Variants in TACR3 observed in about 807,000 individuals in gnomAD.
The protein encoded by TACR3 is neuromedin-K receptor.
In TACR3, 34 loss-of-function variants were observed where a neutral mutation model predicts 35.0. The observed-to-expected ratio is 0.97, with a 90% CI of 0.74 to 1.30. The LOEUF (loss-of-function observed/expected upper bound fraction) is 1.30, where lower values mean the gene tolerates loss of function less well. Among genes scored for constraint, TACR3 ranks in the 50% most tolerant of loss-of-function variants. The pLI, the probability that TACR3 is intolerant of heterozygous loss-of-function variation, is 0.00. For missense variants in TACR3, 558 were observed against 591.7 expected (o/e 0.94, Z 0.59); for synonymous variants, 233 against 221.1 (o/e 1.05, Z -0.48).
At chr4:103,708,628 C>T (rs745497813) in intron 1 of TACR3, among the ~76,000 whole-genome samples, 8 of 152,232 alleles carry the variant, frequency 5.3e-5, no homozygotes, top group African/African-American at 7.2e-5. Context: ...AGCAGCTCCT[C>T]GCTAGCAATG....
At position 103,587,856 on chromosome 4, in the gene TACR3, G is replaced by C. The variant is rs1325102854; in HGVS notation, c.*1826C>G. On this transcript the variant is annotated 3_prime_UTR_variant, in exon 5 of 5. Transcript: ENST00000304883. ...TTGCTTATTTAAAACATGCACACAAGCTTCACAGACTTTATTGAGCATATG... is the reference window on the plus strand; with the variant it reads ...TTGCTTATTTAAAACATGCACACAACCTTCACAGACTTTATTGAGCATATG... 1 of 152,010 alleles carries C rather than the reference G, an allele frequency of 6.6e-6. No homozygotes were observed. Among genetic ancestry groups the C allele is most frequent in the South Asian group, 2.1e-4 (1 of 4,832 alleles). 9.4% of individuals were successfully genotyped at this position (152,010 alleles called of 1,614,324 possible). A position where few individuals can be genotyped will look rare whatever the true frequency, so the allele number is the denominator to read the frequency against.
intron 3 of TACR3, among the ~76,000 whole-genome samples, chr4:103,642,212 TTATATA>T (rs1411172248): frequency 1.3e-5 from 2 of 150,172 alleles, no homozygotes; most frequent in Non-Finnish European, 3.0e-5. Context: ...ATATACATAT[TTATATA>T]TATATATAAT....
intron 3 of TACR3, among the ~76,000 whole-genome samples, chr4:103,654,752 G>A (rs1725697579): frequency 6.6e-6 from 1 of 151,430 alleles, no homozygotes; most frequent in Non-Finnish European, 1.5e-5. Flanking sequence ...AGGTACTATA[G>A]AGAAATTATT....
At chr4:103,639,547 A>T (rs551372469) in intron 3 of TACR3, among the ~76,000 whole-genome samples, 25 of 152,172 alleles carry the variant, frequency 1.6e-4, no homozygotes, top group African/African-American at 6.0e-4. Context: ...CATATGTAAC[A>T]AACCTGCACG....
intron 3 of TACR3, among the ~76,000 whole-genome samples, chr4:103,605,744 G>T (rs1303105965): frequency 1.3e-5 from 2 of 151,434 alleles, no homozygotes; most frequent in Non-Finnish European, 3.0e-5. Context: ...AGATGAGTAG[G>T]TTGTGAAAAT....
At chr4:103,608,279 C>T (rs12643080) in intron 3 of TACR3, among the ~76,000 whole-genome samples, 8,034 of 152,084 alleles carry the variant, frequency 0.053, 426 homozygotes, top group East Asian at 0.25. Context: ...AGCTGGAGGC[C>T]ATAATCCTCA....
intron 3 of TACR3, among the ~76,000 whole-genome samples, chr4:103,650,763 G>C (rs532351631): frequency 1.0e-4 from 8 of 76,550 alleles, no homozygotes; most frequent in African/African-American, 3.3e-4. Context: ...TATTATATAT[G>C]ATGTATATAA....
chr4:103,623,884 T>A (rs1467507996), intron 3 of TACR3, among the ~76,000 whole-genome samples: 1 of 152,130 alleles, frequency 6.6e-6, no homozygotes. Context: ...AGACCTGGCT[T>A]ATATTCTGAA....
chr4:103,719,457 G>A lies in TACR3; in HGVS notation c.219C>T (p.Asn73=), dbSNP rs778217308. 4 of 1,614,108 alleles carry A rather than the reference G, an allele frequency of 2.5e-6. No homozygotes were observed. In the African/African-American group the frequency reaches 4.0e-5, roughly 16 times the overall value. Residue 73 remains asparagine, a synonymous_variant, in exon 1 of 5, where the codon AAC becomes AAT. Coordinates refer to ENST00000304883, the MANE Select transcript of TACR3 (RefSeq NM_001059.3). The part of the protein sequence containing the change: ...ASPAPSQPWA[N]LTNQFVQPSW... ...ACGGCTGCACGAACTGGTTGGTGAGGTTGGCCCAGGGCTGGGAGGGCGCGG... is the reference window on the plus strand; with the variant it reads ...ACGGCTGCACGAACTGGTTGGTGAGATTGGCCCAGGGCTGGGAGGGCGCGG...
At chr4:103,627,916 G>A (rs1430864617) in intron 3 of TACR3, among the ~76,000 whole-genome samples, 1 of 152,084 alleles carries the variant, frequency 6.6e-6, no homozygotes, top group Admixed American at 6.6e-5. Context: ...CTCAGCAAAC[G>A]TAAAAGAACA....
Position 103,598,725 on chromosome 4 carries a change from T to G in TACR3, c.889-7042A>C, listed in dbSNP as rs1385842675. On this transcript the variant is annotated intron_variant, in intron 3 of 4. Transcript: ENST00000304883. ...TTAAATAGGGAATCCTTTCCCCATTTCTTGTTTTTGTCAGGTTTGTCAAAG... is the reference window on the plus strand; with the variant it reads ...TTAAATAGGGAATCCTTTCCCCATTGCTTGTTTTTGTCAGGTTTGTCAAAG... Among the ~76,000 whole-genome samples the G allele has an allele frequency of 3.3e-4, 51 of 152,272 alleles. No individual in the cohort carries two copies. In the South Asian group the frequency reaches 9.7e-3, roughly 29 times the overall value.
intron 1 of TACR3, among the ~76,000 whole-genome samples, chr4:103,710,264 A>T (rs1254852752): frequency 1.3e-5 from 2 of 152,106 alleles, no homozygotes; most frequent in East Asian, 3.9e-4. Context: ...GAAGTAAAGC[A>T]CTCCTCAGCA....
At chr4:103,686,893 T>C (rs200300916) in intron 1 of TACR3, among the ~76,000 whole-genome samples, 1 of 152,186 alleles carries the variant, frequency 6.6e-6, no homozygotes, top group Non-Finnish European at 1.5e-5. Flanking sequence ...CTAACTCATT[T>C]TATGAGGCCA....
At chr4:103,696,396 CATT>C (rs112160531) in intron 1 of TACR3, among the ~76,000 whole-genome samples, 7,934 of 151,886 alleles carry the variant, frequency 0.052, 559 homozygotes, top group African/African-American at 0.16. Context: ...AATTTTAAAA[CATT>C]AGAAACAATG....
intron 2 of TACR3, 81 bp from the exon 3 acceptor site, chr4:103,656,425 A>G (rs1725735765): frequency 1.7e-5 from 23 of 1,366,458 alleles, no homozygotes; most frequent in Non-Finnish European, 2.2e-5. Flanking sequence ...GCTTTAAATC[A>G]TAATTAAAAC....
At position 103,589,399 on chromosome 4, in the gene TACR3, C is replaced by T. The variant is rs951417521; in HGVS notation, c.*283G>A. The T allele has an allele frequency of 1.7e-5, 6 of 361,192 alleles. No homozygotes were observed. Among genetic ancestry groups the T allele is most frequent in the Non-Finnish European group, 2.1e-5 (4 of 194,988 alleles). The allele number at this position is 361,192 out of a possible 1,614,324, so 22.4% of individuals were successfully genotyped here. On this transcript the variant is annotated 3_prime_UTR_variant, in exon 5 of 5. Coordinates refer to ENST00000304883, the MANE Select transcript of TACR3 (RefSeq NM_001059.3). ...GCAATTTGTAAATGAGATAGACTGG[C>T]GAGTTTACAAGTATTTTCCTGACAT...
intron 1 of TACR3, among the ~76,000 whole-genome samples, chr4:103,671,175 T>C (rs1726051589): frequency 6.6e-5 from 10 of 152,164 alleles, no homozygotes; most frequent in Non-Finnish European, 2.9e-5. Context: ...GTTGTTGAAT[T>C]TGGCATGCTA....
chr4:103,699,397 A>G (rs1722596626), intron 1 of TACR3, among the ~76,000 whole-genome samples: 1 of 152,140 alleles, frequency 6.6e-6, no homozygotes, highest in Non-Finnish European at 1.5e-5. Context: ...CAGAGTAACA[A>G]AGGACCAGCT....
At chr4:103,646,422 ACAC>A (rs1180119173) in intron 3 of TACR3, among the ~76,000 whole-genome samples, 8 of 152,026 alleles carry the variant, frequency 5.3e-5, no homozygotes, top group East Asian at 1.9e-4. Flanking sequence ...CTCTATATAG[ACAC>A]CACTTCTTTA....
Sources: gnomAD v4.1 joint callset for allele counts (sites outside exome capture counted in the v4.1 genomes callset) on GRCh38, gnomAD v4.1.1 for gene constraint, MANE v1.5 for transcripts, NCBI Gene and HGNC (gene_info 2026-07-23, HGNC 2026-07-21) for gene names.